Variants in ERCC6L2 observed in about 807,000 individuals in gnomAD.
ERCC6L2 encodes DNA excision repair protein ERCC-6-like 2.
Under a neutral mutation model 132.0 loss-of-function variants are expected in ERCC6L2, and 77 were observed. That is an observed-to-expected ratio of 0.58 (90% CI 0.49 to 0.71). ERCC6L2 has a LOEUF of 0.71. Ranked by LOEUF, ERCC6L2 falls within the 30% of genes least tolerant of loss-of-function variation. The pLI, the probability that ERCC6L2 is intolerant of heterozygous loss-of-function variation, is 0.00. For synonymous variants in ERCC6L2, 583 were observed against 632.4 expected, an observed-to-expected ratio of 0.92 and a Z score of 1.17; for missense variants, 1,542 against 1,837.6, an observed-to-expected ratio of 0.84 and a Z score of 2.94.
chr9:95,996,750 A>T (rs1336635200), intron 17 of ERCC6L2, among the ~76,000 whole-genome samples: 1 of 152,214 alleles, frequency 6.6e-6, no homozygotes, highest in Non-Finnish European at 1.5e-5. Context: ...TTTCATGCCC[A>T]CTATTGAGAC....
At position 95,896,448 on chromosome 9, in the gene ERCC6L2, G is replaced by T. The variant is rs368343539; in HGVS notation, c.472-1401G>T. 2.7e-5 allele frequency among the ~76,000 whole-genome samples: 4 copies of T among 149,496 alleles called. No homozygotes were observed. In the South Asian group the frequency reaches 6.3e-4, roughly 24 times the overall value. ...TTTTTTTTTTTTATTTTGAGACAGG[G>T]TCTTGCTGTGTGGCCCAGGCTGGAG... On this transcript the variant is annotated intron_variant, in intron 2 of 18. Coordinates refer to ENST00000653738, the MANE Select transcript of ERCC6L2 (RefSeq NM_020207.7).
intron 12 of ERCC6L2, among the ~76,000 whole-genome samples, chr9:95,955,310 G>T (rs138563091): frequency 6.9e-4 from 105 of 151,946 alleles, no homozygotes; most frequent in African/African-American, 1.7e-3. Flanking sequence ...CTAAGTTGTG[G>T]TTTTTTTTAC....
intron 2 of ERCC6L2, among the ~76,000 whole-genome samples, chr9:95,897,229 A>G (rs1828513352): frequency 6.6e-6 from 1 of 152,184 alleles, no homozygotes; most frequent in African/African-American, 2.4e-5. Context: ...CAGAGCAGCC[A>G]AGCAATCAGA....
intron 17 of ERCC6L2, among the ~76,000 whole-genome samples, chr9:96,001,937 A>G (rs951828681): frequency 9.8e-5 from 15 of 152,324 alleles, no homozygotes; most frequent in African/African-American, 3.4e-4. Context: ...GGGACTCAGT[A>G]CACCCTCCGC....
intron 20 of ERCC6L2, among the ~76,000 whole-genome samples, chr9:96,040,057 A>T (rs895380772): frequency 1.2e-4 from 2 of 16,026 alleles, no homozygotes; most frequent in African/African-American, 1.5e-3. Flanking sequence ...ATCTCTAATT[A>T]AAAAAAAAAA....
At chr9:95,928,958 G>A in intron 11 of ERCC6L2, 94 bp downstream of exon 11, 1 of 948,800 alleles carries the variant, frequency 1.1e-6, no homozygotes, top group Non-Finnish European at 1.5e-6. Context: ...ATTTTTAATG[G>A]CTATGCTTAT....
At chr9:95,968,763 G>A (rs1832279605) in intron 14 of ERCC6L2, 1 of 151,938 alleles carries the variant, frequency 6.6e-6, no homozygotes, top group Admixed American at 6.6e-5. Context: ...TATTTGTTGA[G>A]CATCTGCTAA....
intron 19 of ERCC6L2, chr9:96,027,640 C>T (rs1037007529): frequency 7.2e-5 from 11 of 152,506 alleles, no homozygotes; most frequent in African/African-American, 2.4e-4. Context: ...GCCCACCCGT[C>T]CCCCCGGCGC....
At chr9:95,928,278 G>A in intron 10 of ERCC6L2, 128 bp downstream of exon 10, 1 of 540,818 alleles carries the variant, frequency 1.8e-6, no homozygotes, top group Non-Finnish European at 3.2e-6. Context: ...AAATAGTGAG[G>A]TAAGCAACTT....
chr9:95,904,786 G>A (rs1160552834), intron 3 of ERCC6L2, among the ~76,000 whole-genome samples: 1 of 152,158 alleles, frequency 6.6e-6, no homozygotes, highest in African/African-American at 2.4e-5. Flanking sequence ...CGTGGTTCCT[G>A]AGGAATCAGA....
intron 17 of ERCC6L2, among the ~76,000 whole-genome samples, chr9:95,988,480 CA>C (rs1833177458): frequency 6.6e-6 from 1 of 152,178 alleles, no homozygotes; most frequent in African/African-American, 2.4e-5. Context: ...TTACCTGCTT[CA>C]AAATGGATTG....
chr9:95,931,893 G>C (rs1207851653), intron 11 of ERCC6L2, among the ~76,000 whole-genome samples: 1 of 150,948 alleles, frequency 6.6e-6, no homozygotes, highest in Non-Finnish European at 1.5e-5. Context: ...TTTAACAATG[G>C]CCTTTTTTTT....
intron 2 of ERCC6L2, among the ~76,000 whole-genome samples, chr9:95,884,295 A>G (rs1827748739): frequency 6.6e-6 from 1 of 152,166 alleles, no homozygotes; most frequent in African/African-American, 2.4e-5. Context: ...CTACATAGAT[A>G]GGTGGTTTGA....
At chr9:95,941,119 T>G (rs967633280) in intron 11 of ERCC6L2, among the ~76,000 whole-genome samples, 3 of 152,220 alleles carry the variant, frequency 2.0e-5, no homozygotes, top group Non-Finnish European at 2.9e-5. Context: ...TGCATTACTT[T>G]ATTTAGCTAG....
intron 12 of ERCC6L2, among the ~76,000 whole-genome samples, chr9:95,950,938 G>A (rs1358136778): frequency 6.6e-6 from 1 of 152,124 alleles, no homozygotes; most frequent in African/African-American, 2.4e-5. Context: ...AGATCAATAA[G>A]TAAGGAGAGG....
intron 4 of ERCC6L2, among the ~76,000 whole-genome samples, chr9:95,914,198 G>A (rs537817107): frequency 5.3e-5 from 8 of 151,956 alleles, no homozygotes; most frequent in Admixed American, 2.6e-4. Flanking sequence ...GGTGTGTTGT[G>A]GTATTTCATG....
chr9:96,017,975 A>G lies in ERCC6L2; in HGVS notation c.*4772A>G, dbSNP rs538248220. On this transcript the variant is annotated 3_prime_UTR_variant, in exon 19 of 19. Coordinates refer to ENST00000653738, the MANE Select transcript of ERCC6L2 (RefSeq NM_020207.7). ...TCTTGAGGACGGTATGCAAAGTGAA[A>G]TAAATCAGACACAGAAGGACAAATA... Among the ~76,000 whole-genome samples, 143 of 152,356 alleles carry G rather than the reference A, an allele frequency of 9.4e-4. 1 individual carries two copies. Among genetic ancestry groups the G allele is most frequent in the Admixed American group, 4.9e-3 (75 of 15,302 alleles).
At chr9:95,960,885 A>G (rs768166542) in intron 13 of ERCC6L2, among the ~76,000 whole-genome samples, 13 of 151,866 alleles carry the variant, frequency 8.6e-5, no homozygotes, top group Admixed American at 3.3e-4. Flanking sequence ...GAACTCTCCC[A>G]CAAAGATAGA....
chr9:96,033,436 A>G (rs1030316298), intron 19 of ERCC6L2, among the ~76,000 whole-genome samples: 5 of 152,128 alleles, frequency 3.3e-5, no homozygotes, highest in Admixed American at 6.6e-5. Flanking sequence ...CAGTGGAGAC[A>G]GGTTTTCACC....
Sources: gnomAD v4.1 joint callset for allele counts (sites outside exome capture counted in the v4.1 genomes callset) on GRCh38, gnomAD v4.1.1 for gene constraint, MANE v1.5 for transcripts, NCBI Gene and HGNC (gene_info 2026-07-23, HGNC 2026-07-21) for gene names.